The following GRXCR1 variants were observed in gnomAD, a reference collection of about 807,000 sequenced individuals.
GRXCR1 encodes glutaredoxin domain-containing cysteine-rich protein 1.
GRXCR1 carries 27 observed loss-of-function variants against 27.3 expected under a neutral mutation model. The ratio of observed to expected loss-of-function variants is 0.99; its 90% confidence interval spans 0.73 to 1.37. The LOEUF is 1.37. GRXCR1 is among the 40% of genes most tolerant of loss of function. GRXCR1 has a pLI of 0.00. For missense variants in GRXCR1, 379 were observed against 354.4 expected (o/e 1.07, Z -0.56); for synonymous variants, 122 against 131.1 (o/e 0.93, Z 0.47).
At chr4:42,949,670 G>A (rs1479290432) in intron 1 of GRXCR1, among the ~76,000 whole-genome samples, 1 of 152,118 alleles carries the variant, frequency 6.6e-6, no homozygotes, top group Non-Finnish European at 1.5e-5. Context: ...TTAGCTTTCT[G>A]CACCAACCAA....
At chr4:43,018,602 G>C (rs1358876176) in intron 2 of GRXCR1, among the ~76,000 whole-genome samples, 1 of 152,120 alleles carries the variant, frequency 6.6e-6, no homozygotes, top group Non-Finnish European at 1.5e-5. Flanking sequence ...AAAAGAGCCA[G>C]GTAGGAGATG....
intron 2 of GRXCR1, among the ~76,000 whole-genome samples, chr4:43,009,370 G>T (rs1345404211): frequency 6.6e-6 from 1 of 152,054 alleles, no homozygotes; most frequent in Non-Finnish European, 1.5e-5. Flanking sequence ...TAAATTTTGG[G>T]TATAAGAGTT....
In GRXCR1 at chr4:43,030,267, G is replaced by T; in HGVS notation, c.694-94G>T. The T allele has an allele frequency of 2.7e-6, 3 of 1,098,434 alleles. No homozygotes were observed. The South Asian group carries it at 3.8e-5, about 14-fold the overall frequency. The allele number at this position is 1,098,434 out of a possible 1,614,324, so 68.0% of individuals were successfully genotyped here. On this transcript the variant is annotated intron_variant, in intron 3 of 3. Transcript: ENST00000399770. ...CCATATTATGCCAATATTGCTTTAT[G>T]ACCACTCACAGTTCAGAAAGACCGG...
chr4:43,004,261 G>A (rs1285692810), intron 2 of GRXCR1, among the ~76,000 whole-genome samples: 5 of 152,248 alleles, frequency 3.3e-5, no homozygotes, highest in African/African-American at 1.2e-4. Flanking sequence ...GCGAGCTTCT[G>A]CCTAGATTTC....
chr4:42,966,741 A>T (rs1157169649), intron 2 of GRXCR1, among the ~76,000 whole-genome samples: 1 of 152,062 alleles, frequency 6.6e-6, no homozygotes, highest in Admixed American at 6.6e-5. Context: ...ATTCTAATAG[A>T]TGTGTAGAGA....
chr4:42,987,139 A>G (rs1412915644), intron 2 of GRXCR1, among the ~76,000 whole-genome samples: 1 of 145,950 alleles, frequency 6.9e-6, no homozygotes, highest in Non-Finnish European at 1.5e-5. Context: ...ATTTAGAAGG[A>G]AGAGGAGAGA....
At chr4:43,024,589 C>T (rs979264763) in intron 3 of GRXCR1, among the ~76,000 whole-genome samples, 1 of 152,116 alleles carries the variant, frequency 6.6e-6, no homozygotes, top group Non-Finnish European at 1.5e-5. Context: ...GCTCCTATAT[C>T]CAGGCTTATA....
intron 2 of GRXCR1, among the ~76,000 whole-genome samples, chr4:42,966,746 T>C (rs1054212259): frequency 6.6e-6 from 1 of 152,142 alleles, no homozygotes; most frequent in East Asian, 1.9e-4. Context: ...AATAGATGTG[T>C]AGAGATATCT....
intron 2 of GRXCR1, among the ~76,000 whole-genome samples, chr4:42,972,295 G>T (rs1398458478): frequency 6.6e-6 from 1 of 152,106 alleles, no homozygotes; most frequent in Non-Finnish European, 1.5e-5. Context: ...TTCCATCAGA[G>T]ATCTGGTTGG....
intron 2 of GRXCR1, among the ~76,000 whole-genome samples, chr4:42,996,003 T>G (rs1712145097): frequency 6.6e-6 from 1 of 152,212 alleles, no homozygotes; most frequent in African/African-American, 2.4e-5. Context: ...AGTTTTCAGG[T>G]TTCTTCATTA....
chr4:42,946,024 T>C lies in GRXCR1; in HGVS notation c.385-16868T>C, dbSNP rs1250951597. 2.6e-5 allele frequency among the ~76,000 whole-genome samples: 4 copies of C among 152,294 alleles called. No individual in the cohort carries two copies. The East Asian group carries it at 7.7e-4, about 29-fold the overall frequency. On this transcript the variant is annotated intron_variant, in intron 1 of 3. Coordinates refer to ENST00000399770, the MANE Select transcript of GRXCR1 (RefSeq NM_001080476.3). ...TGGTGATTTGTTTGAATATATCATG[T>C]TGCTCAGGGTAAGCAGTTGGCTGCT... is the stretch of plus-strand genomic sequence containing the variant.
chr4:42,971,591 C>T (rs1176792650), intron 2 of GRXCR1, among the ~76,000 whole-genome samples: 3 of 151,978 alleles, frequency 2.0e-5, no homozygotes, highest in African/African-American at 7.2e-5. Context: ...GTTCCACCCA[C>T]GTTCAAAAAA....
intron 1 of GRXCR1, among the ~76,000 whole-genome samples, chr4:42,921,812 T>C (rs1345856885): frequency 1.3e-5 from 2 of 152,144 alleles, no homozygotes; most frequent in African/African-American, 4.8e-5. Flanking sequence ...TGACTTGACT[T>C]AGGGCTGGAA....
Position 42,955,283 on chromosome 4 carries a change from T to A in GRXCR1, c.385-7609T>A, listed in dbSNP as rs1053699456. Reference sequence around the variant, plus strand: ...AAATCATTTTAGACTGAAAAAAAAATATTCAACATGCCCCGTGTGATGTAA... The same window carrying A: ...AAATCATTTTAGACTGAAAAAAAAAAATTCAACATGCCCCGTGTGATGTAA... On this transcript the variant is annotated intron_variant, in intron 1 of 3. Transcript: ENST00000399770. Among the ~76,000 whole-genome samples, 7 of 152,038 alleles carry A rather than the reference T, an allele frequency of 4.6e-5. No homozygotes were observed. In the South Asian group the frequency reaches 6.2e-4, roughly 14 times the overall value.
Position 43,030,468 on chromosome 4 carries a change from C to G in GRXCR1, c.801C>G (p.Asp267Glu), listed in dbSNP as rs1560694117. ...CCATGTTTCGAAACTGCTTCACAGA[C>G]TCTTTCAAAGCCCTGAAGTGTACGG... Reference protein sequence around the residue: ...KMSMFRNCFTDSFKALKCTAC... With the variant: ...KMSMFRNCFTESFKALKCTAC... Residue 267 changes from aspartate to glutamate, a missense_variant, in exon 4 of 4, where the codon GAC becomes GAG. Coordinates refer to ENST00000399770, the MANE Select transcript of GRXCR1 (RefSeq NM_001080476.3). 5 of 1,613,982 alleles carry G rather than the reference C, an allele frequency of 3.1e-6. No homozygotes were observed. In the Middle Eastern group the frequency reaches 6.6e-4, roughly 212 times the overall value.
chr4:42,941,188 G>A (rs1747611338), intron 1 of GRXCR1, among the ~76,000 whole-genome samples: 1 of 104,792 alleles, frequency 9.5e-6, no homozygotes, highest in African/African-American at 3.4e-5. Context: ...ATGACTAGCT[G>A]TAAGTGAGGT....
intron 2 of GRXCR1, among the ~76,000 whole-genome samples, chr4:42,971,244 T>C (rs916831809): frequency 6.6e-6 from 1 of 152,142 alleles, no homozygotes; most frequent in African/African-American, 2.4e-5. Context: ...CTTTCCCATA[T>C]CTTTCTCTCT....
intron 2 of GRXCR1, 132 bp from the exon 3 acceptor site, chr4:43,020,222 T>C: frequency 2.9e-6 from 2 of 701,688 alleles, no homozygotes; most frequent in Non-Finnish European, 5.3e-6. Context: ...GGCATCCTAG[T>C]TGTACATTTA....
chr4:42,996,144 T>C (rs1261700710), intron 2 of GRXCR1, among the ~76,000 whole-genome samples: 2 of 152,162 alleles, frequency 1.3e-5, no homozygotes, highest in Admixed American at 6.6e-5. Flanking sequence ...AATTTAGAGG[T>C]CAAAATGATT....
Sources: allele counts gnomAD v4.1 joint callset (sites outside exome capture counted in the v4.1 genomes callset), GRCh38; gene constraint gnomAD v4.1.1; transcripts MANE v1.5; gene names NCBI Gene and HGNC (gene_info 2026-07-23, HGNC 2026-07-21).